LDLRAD4: variants seen among roughly 807,000 people sequenced by gnomAD.
The protein encoded by LDLRAD4 is low density lipoprotein receptor class A domain containing 4.
A neutral mutation model predicts 17.0 loss-of-function variants in LDLRAD4; 5 were observed. The observed-to-expected ratio is 0.29, with a 90% CI of 0.15 to 0.62. The LOEUF (loss-of-function observed/expected upper bound fraction) is 0.62, where lower values mean the gene tolerates loss of function less well. LDLRAD4 is among the 20% of genes least tolerant of loss of function. The probability of loss-of-function intolerance (pLI) is 0.84; values close to 1 mark genes in which losing one functional copy is unlikely to be tolerated. For missense variants in LDLRAD4, 340 were observed against 424.7 expected, an observed-to-expected ratio of 0.80 and a Z score of 1.75; for synonymous variants, 168 against 171.8, an observed-to-expected ratio of 0.98 and a Z score of 0.17.
chr18:13,477,083 A>G (rs1471880100), intron 3 of LDLRAD4, among the ~76,000 whole-genome samples: 3 of 152,156 alleles, frequency 2.0e-5, no homozygotes, highest in Admixed American at 2.0e-4. Flanking sequence ...GGTAATGAAT[A>G]TTAGTAATTT....
intron 1 of LDLRAD4, among the ~76,000 whole-genome samples, chr18:13,304,259 G>A (rs916873057): frequency 2.0e-5 from 3 of 152,226 alleles, no homozygotes; most frequent in East Asian, 3.9e-4. Flanking sequence ...CTGGCTGAAA[G>A]GTGGTTCCTC....
chr18:13,294,057 T>C (rs1406583748), intron 1 of LDLRAD4, among the ~76,000 whole-genome samples: 1 of 152,234 alleles, frequency 6.6e-6, no homozygotes, highest in African/African-American at 2.4e-5. Flanking sequence ...AGGTTGCAAT[T>C]TTTTGAATTG....
At chr18:13,448,284 A>G (rs950641745) in intron 3 of LDLRAD4, among the ~76,000 whole-genome samples, 2 of 152,202 alleles carry the variant, frequency 1.3e-5, no homozygotes, top group Non-Finnish European at 2.9e-5. Context: ...CACACTCAGC[A>G]CTGCTCTTGT....
chr18:13,378,187 C>A (rs533955866), intron 1 of LDLRAD4, among the ~76,000 whole-genome samples: 22 of 152,228 alleles, frequency 1.4e-4, no homozygotes, highest in African/African-American at 4.6e-4. Context: ...TTTGTCTGAG[C>A]CTTAAGGTGT....
chr18:13,282,557 G>T (rs1490040629), intron 1 of LDLRAD4, among the ~76,000 whole-genome samples: 1 of 152,214 alleles, frequency 6.6e-6, no homozygotes, highest in Non-Finnish European at 1.5e-5. Context: ...GATCTCCTTT[G>T]ATCCCAGGTC....
At chr18:13,513,620 C>T (rs928911241) in intron 3 of LDLRAD4, among the ~76,000 whole-genome samples, 19 of 152,106 alleles carry the variant, frequency 1.2e-4, no homozygotes, top group South Asian at 2.1e-4. Flanking sequence ...CATCAGTCTC[C>T]GTTTATTGTG....
At chr18:13,360,684 C>G (rs1434163308) in intron 1 of LDLRAD4, among the ~76,000 whole-genome samples, 1 of 152,186 alleles carries the variant, frequency 6.6e-6, no homozygotes, top group African/African-American at 2.4e-5. Context: ...GAGAAAATCT[C>G]TGGTATCATT....
intron 3 of LDLRAD4, among the ~76,000 whole-genome samples, chr18:13,452,300 G>A (rs1412627773): frequency 2.0e-5 from 3 of 152,262 alleles, no homozygotes; most frequent in African/African-American, 4.8e-5. Flanking sequence ...CGGTGGCAGC[G>A]GCGGCTCCTG....
At chr18:13,568,335 C>T (rs2094635992) in intron 3 of LDLRAD4, among the ~76,000 whole-genome samples, 1 of 151,850 alleles carries the variant, frequency 6.6e-6, no homozygotes, top group Non-Finnish European at 1.5e-5. Flanking sequence ...CAGAAGGCAG[C>T]ATGGGGCTGG....
intron 1 of LDLRAD4, among the ~76,000 whole-genome samples, chr18:13,245,050 G>A (rs1010214883): frequency 6.6e-6 from 1 of 152,082 alleles, no homozygotes; most frequent in Non-Finnish European, 1.5e-5. Context: ...TATTATGGTC[G>A]ACTGCACCCT....
At chr18:13,642,416 G>C (rs1422110175) in intron 4 of LDLRAD4, 13 of 1,134,754 alleles carry the variant, frequency 1.1e-5, no homozygotes, top group South Asian at 4.4e-5. Flanking sequence ...CCCAGCACGC[G>C]TGGGGCCTTG....
chr18:13,320,706 C>T lies in LDLRAD4; in HGVS notation c.-383+42518C>T, dbSNP rs373657722. ...GGCTCAGCACAGGCTGTGGGAATCC[C>T]GCTGCCAGGTGCAATGGCAGGGTGG... is the stretch of plus-strand genomic sequence containing the variant. On this transcript the variant is annotated intron_variant, in intron 1 of 5. Transcript: ENST00000359446. Among the ~76,000 whole-genome samples, 48 of 152,316 alleles carry T rather than the reference C, an allele frequency of 3.2e-4. No homozygotes were observed. The East Asian group carries it at 7.7e-3, about 25-fold the overall frequency.
intron 3 of LDLRAD4, among the ~76,000 whole-genome samples, chr18:13,602,106 A>T (rs2148641045): frequency 6.6e-6 from 1 of 152,354 alleles, no homozygotes; most frequent in East Asian, 1.9e-4. Context: ...GAAGCTAAGC[A>T]CTGGATACTC....
At chr18:13,435,965 A>G (rs1361910703) in intron 2 of LDLRAD4, among the ~76,000 whole-genome samples, 1 of 152,274 alleles carries the variant, frequency 6.6e-6, no homozygotes, top group Non-Finnish European at 1.5e-5. Context: ...CAGTGCTATG[A>G]GATGAGGCAA....
chr18:13,230,803 G>T (rs1385225101), intron 1 of LDLRAD4, among the ~76,000 whole-genome samples: 1 of 152,166 alleles, frequency 6.6e-6, no homozygotes, highest in Non-Finnish European at 1.5e-5. Flanking sequence ...ACCATATCTT[G>T]CTCCTTTGCC....
chr18:13,547,530 C>G (rs902869530), intron 3 of LDLRAD4, among the ~76,000 whole-genome samples: 4 of 152,194 alleles, frequency 2.6e-5, no homozygotes, highest in African/African-American at 9.7e-5. Context: ...TCAGTCCTGG[C>G]CCAGATCCCA....
intron 2 of LDLRAD4, among the ~76,000 whole-genome samples, chr18:13,426,705 C>T (rs1454178917): frequency 6.6e-6 from 1 of 152,228 alleles, no homozygotes; most frequent in African/African-American, 2.4e-5. Context: ...AAGGAAGAGA[C>T]AGTTTAGTTC....
intron 1 of LDLRAD4, among the ~76,000 whole-genome samples, chr18:13,378,083 A>C (rs895492063): frequency 1.3e-5 from 2 of 152,208 alleles, no homozygotes; most frequent in Non-Finnish European, 2.9e-5. Context: ...TTGGTGAACA[A>C]GGAATGCTTA....
intron 3 of LDLRAD4, chr18:13,516,177 T>C (rs1283970309): frequency 6.6e-6 from 1 of 152,206 alleles, no homozygotes; most frequent in Non-Finnish European, 1.5e-5. Flanking sequence ...TGTAGGTCTT[T>C]GGACCATATC....
Sources: gnomAD v4.1 joint callset for allele counts (sites outside exome capture counted in the v4.1 genomes callset) on GRCh38, gnomAD v4.1.1 for gene constraint, MANE v1.5 for transcripts, NCBI Gene and HGNC (gene_info 2026-07-23, HGNC 2026-07-21) for gene names.